UNC80: variants seen among roughly 807,000 people sequenced by gnomAD.
UNC80 encodes unc-80 subunit of NALCN channel complex.
Under a neutral mutation model 384.6 loss-of-function variants are expected in UNC80, and 164 were observed. The observed-to-expected ratio is 0.43, with a 90% CI of 0.38 to 0.49. The LOEUF (loss-of-function observed/expected upper bound fraction) is 0.49, where lower values mean the gene tolerates loss of function less well. UNC80 is among the 20% of genes least tolerant of loss of function. The pLI is 0.00. For missense variants in UNC80, 3,330 were observed against 4,143.0 expected (o/e 0.80, Z 5.39); for synonymous variants, 1,486 against 1,527.8 (o/e 0.97, Z 0.64).
chr2:209,788,183 G>A (rs113308598), intron 5 of UNC80, among the ~76,000 whole-genome samples: 16 of 152,162 alleles, frequency 1.1e-4, no homozygotes, highest in Non-Finnish European at 2.1e-4. Context: ...TTGGGAGGCC[G>A]AGGTGGGCGG....
At chr2:209,941,178 G>A (rs1464110738) in intron 43 of UNC80, 43 bp from the exon 44 acceptor site, 1 of 1,467,646 alleles carries the variant, frequency 6.8e-7, no homozygotes, top group Non-Finnish European at 9.1e-7. Flanking sequence ...TGACAGGATT[G>A]GTGTGGGGCT....
intron 51 of UNC80, chr2:209,961,050 C>G (rs185926096): frequency 6.6e-6 from 1 of 151,712 alleles, no homozygotes; most frequent in Admixed American, 6.6e-5. Flanking sequence ...AAAAATATTC[C>G]TAAAAGATGG....
At chr2:209,963,590 A>G (rs953551717) in intron 51 of UNC80, among the ~76,000 whole-genome samples, 1 of 152,258 alleles carries the variant, frequency 6.6e-6, no homozygotes, top group Admixed American at 6.5e-5. Flanking sequence ...AAAAGAAATA[A>G]GTGCATATAG....
At chr2:209,870,018 A>G (rs2084158792) in intron 22 of UNC80, among the ~76,000 whole-genome samples, 1 of 152,156 alleles carries the variant, frequency 6.6e-6, no homozygotes, top group Non-Finnish European at 1.5e-5. Context: ...AGCCTTACAT[A>G]TCACTATTTA....
chr2:209,894,311 G>A lies in UNC80; in HGVS notation c.4425G>A (p.Glu1475=). Residue 1475 remains glutamate (E), a synonymous_variant, in exon 27 of 65, where the codon GAG becomes GAA. Coordinates refer to ENST00000673920, the MANE Select transcript of UNC80 (RefSeq NM_001371986.1). ...GCAAGTTATCACGGCAGGACTCAGA[G>A]TCTGAGGCTGAGGAGCTGCAGCTGT... The part of the protein sequence containing the change: ...KSSKLSRQDS[E]SEAEELQLSQ... 2.0e-6 allele frequency: 2 copies of A among 985,374 alleles called. No homozygotes were observed. The highest frequency in any genetic ancestry group is 2.4e-6 in the Non-Finnish European group (2 of 829,924). The allele number at this position is 985,374 out of a possible 1,614,324, so 61.0% of individuals were successfully genotyped here. A position where few individuals can be genotyped will look rare whatever the true frequency, so the allele number is the denominator to read the frequency against.
At chr2:209,950,238 G>A (rs967627039) in intron 47 of UNC80, among the ~76,000 whole-genome samples, 14 of 151,948 alleles carry the variant, frequency 9.2e-5, no homozygotes, top group Admixed American at 5.9e-4. Flanking sequence ...CTTTATCCTG[G>A]TGGTGGCTTT....
rs569624062 is a variant in UNC80, at chr2:209,831,559, A to G, written c.2743A>G (p.Thr915Ala). The G allele has an allele frequency of 3.2e-6, 5 of 1,549,926 alleles. No homozygotes were observed. The highest frequency in any genetic ancestry group is 3.9e-5 in the Admixed American group (2 of 50,738). The part of the protein sequence containing the change: ...FKSLITRCAS[T>A]THELHSPENL... Reference sequence around the variant, plus strand: ...ATCCCTCATCACACGCTGCGCTTCAACCACACATGAATTGCACAGCCCTGA... The same window carrying G: ...ATCCCTCATCACACGCTGCGCTTCAGCCACACATGAATTGCACAGCCCTGA... Residue 915 changes from threonine to alanine, a missense_variant, in exon 16 of 65, where the codon ACC becomes GCC. Thr to Ala is a moderately conservative substitution (Grantham distance 58). Transcript: ENST00000673920.
intron 55 of UNC80, 91 bp from the exon 56 acceptor site, chr2:209,972,973 G>A: frequency 8.2e-7 from 1 of 1,226,268 alleles, no homozygotes; most frequent in Non-Finnish European, 1.1e-6. Flanking sequence ...GTTTGGACTT[G>A]GAAAGAGCTG....
intron 51 of UNC80, among the ~76,000 whole-genome samples, 196 bp downstream of exon 51, chr2:209,959,903 C>A (rs75632611): frequency 6.6e-6 from 1 of 152,088 alleles, no homozygotes; most frequent in Admixed American, 6.6e-5. Flanking sequence ...AGGATCTTAG[C>A]GTGGACAAGG....
At chr2:209,881,964 C>CT (rs34822717) in intron 25 of UNC80, among the ~76,000 whole-genome samples, 2,078 of 131,176 alleles carry the variant, frequency 0.016, 79 homozygotes, top group Admixed American at 0.077. Flanking sequence ...ACCTCTCCTT[C>CT]TTTTTTTTTT....
chr2:209,783,876 A>G (rs544738416), intron 4 of UNC80, among the ~76,000 whole-genome samples: 2 of 152,302 alleles, frequency 1.3e-5, no homozygotes, highest in South Asian at 4.1e-4. Flanking sequence ...CTGCTTCTAC[A>G]TACAATACCA....
At chr2:209,858,794 A>T (rs1481159549) in intron 22 of UNC80, among the ~76,000 whole-genome samples, 1 of 151,534 alleles carries the variant, frequency 6.6e-6, no homozygotes, top group Admixed American at 6.6e-5. Flanking sequence ...ATTTGTGCAG[A>T]TTGTGATTAC....
chr2:209,881,823 G>T (rs1040002189), intron 25 of UNC80, among the ~76,000 whole-genome samples: 3 of 152,146 alleles, frequency 2.0e-5, no homozygotes, highest in African/African-American at 7.2e-5. Flanking sequence ...TGGGCACCAA[G>T]TTTCCAGTGG....
At position 209,783,647 on chromosome 2, in the gene UNC80, T is replaced by C. The variant is rs886433703; in HGVS notation, c.601-2419T>C. 2.0e-5 allele frequency among the ~76,000 whole-genome samples: 3 copies of C among 152,158 alleles called. No individual in the cohort carries two copies. The East Asian group carries it at 5.8e-4, about 29-fold the overall frequency. On this transcript the variant is annotated intron_variant, in intron 4 of 64. Transcript: ENST00000673920. ...ACCATGACAGTCAGTGAGTGCTGTG[T>C]CATGCTAATAGATCAGATGTTAAAG...
At chr2:209,880,871 C>T (rs2124895561) in intron 24 of UNC80, 90 bp from the exon 25 acceptor site, 2 of 1,261,290 alleles carry the variant, frequency 1.6e-6, no homozygotes, top group Admixed American at 2.2e-5. Flanking sequence ...CAATTTGATT[C>T]TATACATGTG....
intron 9 of UNC80, 62 bp downstream of exon 9, chr2:209,815,453 A>G: frequency 6.6e-7 from 1 of 1,515,878 alleles, no homozygotes; most frequent in East Asian, 2.5e-5. Flanking sequence ...GTGGGACATG[A>G]GATGTTTCTG....
chr2:209,800,750 C>T (rs931288540), intron 7 of UNC80, among the ~76,000 whole-genome samples: 7 of 152,080 alleles, frequency 4.6e-5, no homozygotes, highest in African/African-American at 1.2e-4. Flanking sequence ...GATTCTGGTA[C>T]GTTGTCTCTT....
In UNC80 at chr2:209,788,923, T is replaced by C. The variant is rs534420994; in HGVS notation, c.725-609T>C. The stretch of plus-strand genomic sequence containing the variant: ...AGCTCCATTCATGGTAAGTGCTCTA[T>C]ATAGGTGTATAATTTGTTATCTTTT... On this transcript the variant is annotated intron_variant, in intron 5 of 64. Transcript: ENST00000673920. Among the ~76,000 whole-genome samples the C allele has an allele frequency of 7.9e-5, 12 of 152,318 alleles. No individual in the cohort carries two copies. The South Asian group carries it at 2.5e-3, about 32-fold the overall frequency.
At chr2:209,903,420 A>ACATATATT in intron 28 of UNC80, among the ~76,000 whole-genome samples, 1 of 115,682 alleles carries the variant, frequency 8.6e-6, no homozygotes, top group African/African-American at 3.3e-5. Context: ...TATACACATT[A>ACATATATT]TATATATTTA....
Sources: allele counts gnomAD v4.1 joint callset (sites outside exome capture counted in the v4.1 genomes callset), GRCh38; gene constraint gnomAD v4.1.1; transcripts MANE v1.5; gene names NCBI Gene and HGNC (gene_info 2026-07-23, HGNC 2026-07-21).